Variants in TOPBP1 observed in about 807,000 individuals in gnomAD.
The protein encoded by TOPBP1 is DNA topoisomerase 2-binding protein 1.
A neutral mutation model predicts 167.7 loss-of-function variants in TOPBP1; 28 were observed. The observed-to-expected ratio is 0.17, with a 90% CI of 0.12 to 0.23. The LOEUF is 0.23. Ranked by LOEUF, TOPBP1 falls within the 10% of genes least tolerant of loss-of-function variation. The pLI is 1.00. For missense variants in TOPBP1, 1,554 were observed against 1,809.6 expected (o/e 0.86, Z 2.56); for synonymous variants, 598 against 611.4 (o/e 0.98, Z 0.32).
intron 16 of TOPBP1, among the ~76,000 whole-genome samples, chr3:133,624,826 TTAAAGA>T (rs1935213556): frequency 6.6e-6 from 1 of 152,164 alleles, no homozygotes; most frequent in Non-Finnish European, 1.5e-5. Flanking sequence ...TACATTAATC[TTAAAGA>T]TAAAAGAACT....
intron 14 of TOPBP1, among the ~76,000 whole-genome samples, chr3:133,636,848 C>G (rs1483322873): frequency 6.6e-6 from 1 of 152,132 alleles, no homozygotes; most frequent in African/African-American, 2.4e-5. Flanking sequence ...ACTGATTTTC[C>G]TCTATGTCTT....
intron 11 of TOPBP1, among the ~76,000 whole-genome samples, chr3:133,643,582 T>G (rs1373786882): frequency 6.6e-6 from 1 of 152,166 alleles, no homozygotes; most frequent in African/African-American, 2.4e-5. Flanking sequence ...ACTAATTACA[T>G]TAGGCTATTA....
intron 20 of TOPBP1, among the ~76,000 whole-genome samples, chr3:133,619,111 C>CAAAAAAAAAAAAAAAAAAAA (rs71136485): frequency 9.7e-6 from 1 of 103,500 alleles, no homozygotes; most frequent in Admixed American, 1.0e-4. Flanking sequence ...TGTGGAGAAG[C>CAAAAAAAAAAAAAAAAAAAA]AAAAAAAAAA....
Position 133,610,998 on chromosome 3 carries a change from T to A in TOPBP1, c.4173+6A>T. The A allele has an allele frequency of 6.2e-7, 1 of 1,610,424 alleles. No homozygotes were observed. Among genetic ancestry groups the A allele is most frequent in the Non-Finnish European group, 8.5e-7 (1 of 1,177,918 alleles). On this transcript the variant is annotated splice_donor_region_variant and intron_variant, in intron 25 of 27. Transcript: ENST00000260810. ...TTGTATTACCTATATAATTGTGTTT[T>A]AATACCTCAACAATGCCAGATTCTT...
At chr3:133,657,614 T>C (rs941103959) in intron 4 of TOPBP1, among the ~76,000 whole-genome samples, 184 bp downstream of exon 4, 5 of 152,222 alleles carry the variant, frequency 3.3e-5, no homozygotes, top group Admixed American at 2.0e-4. Context: ...CAAATTCTAC[T>C]ATATTCAATT....
chr3:133,653,019 AAT>A (rs1936354533), intron 7 of TOPBP1, among the ~76,000 whole-genome samples: 1 of 152,242 alleles, frequency 6.6e-6, no homozygotes, highest in South Asian at 2.1e-4. Flanking sequence ...CAAAACTGTA[AAT>A]TAAGGAAAGA....
At position 133,657,831 on chromosome 3, in the gene TOPBP1, G is replaced by A. The variant is rs1365699265; in HGVS notation, c.330C>T (p.Thr110=). ...PVYNMVMSDV[T]ISCTSLEKEK... is the part of the protein sequence containing the mutation. ...CTTTTTCCAGACTTGTACAAGATAT[G>A]GTTACATCAGACATAACCATATTAT... The change falls in exon 4 of 28, where the codon ACC becomes ACT. Residue 110 remains threonine (T), a synonymous_variant. Transcript: ENST00000260810. 1.3e-6 allele frequency: 2 copies of A among 1,579,192 alleles called. No homozygotes were observed. The highest frequency in any genetic ancestry group is 2.3e-5 in the East Asian group (1 of 42,638).
At chr3:133,618,164 G>T (rs1388758260) in intron 21 of TOPBP1, 49 bp downstream of exon 21, 1 of 1,475,780 alleles carries the variant, frequency 6.8e-7, no homozygotes, top group Admixed American at 1.7e-5. Context: ...TTTTTAAGAG[G>T]TCAACATGTA....
chr3:133,638,286 G>A, intron 13 of TOPBP1, 124 bp from the exon 14 acceptor site: 1 of 919,210 alleles, frequency 1.1e-6, no homozygotes, highest in East Asian at 2.6e-5. Flanking sequence ...CTGGGCTCAA[G>A]AGATCCATCT....
chr3:133,623,200 A>T lies in TOPBP1; in HGVS notation c.3076-7T>A. The T allele has an allele frequency of 1.8e-5, 29 of 1,610,976 alleles. No homozygotes were observed. Among genetic ancestry groups the T allele is most frequent in the Non-Finnish European group, 2.5e-5 (29 of 1,178,544 alleles). On this transcript the variant is annotated splice_region_variant and splice_polypyrimidine_tract_variant and intron_variant, in intron 18 of 27. Transcript: ENST00000260810. ...CTAAAATCAAAGGATCTGGCTATTG[A>T]AAAAGAAAAATTATAAATTCTCAAA...
chr3:133,628,737 T>G lies in TOPBP1; in HGVS notation c.2521-4A>C. The G allele has an allele frequency of 6.4e-7, 1 of 1,551,326 alleles. No individual in the cohort carries two copies. On this transcript the variant is annotated splice_polypyrimidine_tract_variant and splice_region_variant and intron_variant, in intron 14 of 27. Coordinates refer to ENST00000260810, the MANE Select transcript of TOPBP1 (RefSeq NM_007027.4). ...TTTCCAAGGCTGCAAGTGCATCCTA[T>G]ACATATGAAGGAGAGAGAGAGATGG...
At chr3:133,652,728 C>T in intron 7 of TOPBP1, 99 bp from the exon 8 acceptor site, 1 of 999,198 alleles carries the variant, frequency 1.0e-6, no homozygotes, top group Non-Finnish European at 1.4e-6. Flanking sequence ...GGGCAATAAA[C>T]AACTTCCAAA....
chr3:133,655,422 T>G lies in TOPBP1; in HGVS notation c.610A>C (p.Ile204Leu), dbSNP rs565676005. The G allele has an allele frequency of 1.2e-6, 2 of 1,602,428 alleles. No individual in the cohort carries two copies. The highest frequency in any genetic ancestry group is 1.7e-6 in the Non-Finnish European group (2 of 1,174,818). Residue 204 changes from isoleucine (I) to leucine (L), a missense_variant, in exon 6 of 28, where the codon ATA (isoleucine) becomes CTA (leucine). This residue lies in a region of TOPBP1 where 1,197 missense variants were observed against 1,351.5 expected (regional missense o/e 0.89). Transcript: ENST00000260810. The part of the protein sequence containing the change: ...DFKCPIFLGC[I>L]ICVTGLCGLD... ...CCACATAAGCCAGTCACACAGATTA[T>G]GCAACCAAGAAAAATAGGACACTTG...
intron 5 of TOPBP1, among the ~76,000 whole-genome samples, chr3:133,655,944 A>G (rs573268181): frequency 2.6e-5 from 4 of 152,210 alleles, no homozygotes; most frequent in South Asian, 2.1e-4. Flanking sequence ...CTGATGAAGT[A>G]ATCACATTGG....
At chr3:133,656,899 A>G (rs767847487) in intron 4 of TOPBP1, 42 bp from the exon 5 acceptor site, 44 of 1,444,148 alleles carry the variant, frequency 3.0e-5, no homozygotes, top group Non-Finnish European at 4.0e-5. Flanking sequence ...GAAGCAAACA[A>G]TATTGCTTCC....
intron 16 of TOPBP1, 75 bp downstream of exon 16, chr3:133,628,287 G>C: frequency 7.7e-7 from 1 of 1,292,386 alleles, no homozygotes; most frequent in South Asian, 1.3e-5. Flanking sequence ...TATTCTTGTA[G>C]ATGCTCACAA....
At chr3:133,608,107 G>T (rs1028779748) in intron 27 of TOPBP1, among the ~76,000 whole-genome samples, 8 of 152,164 alleles carry the variant, frequency 5.3e-5, no homozygotes, top group Admixed American at 1.3e-4. Context: ...TTCTGAATAT[G>T]AGAGTAGTAA....
At chr3:133,604,108 T>C (rs1442854509) in intron 27 of TOPBP1, among the ~76,000 whole-genome samples, 5 of 151,506 alleles carry the variant, frequency 3.3e-5, no homozygotes, top group Non-Finnish European at 7.4e-5. Context: ...AAGTTGACAA[T>C]ATCAGGAATA....
intron 27 of TOPBP1, among the ~76,000 whole-genome samples, chr3:133,602,686 G>A (rs1287200249): frequency 6.6e-6 from 1 of 152,178 alleles, no homozygotes; most frequent in African/African-American, 2.4e-5. Context: ...GATTTGTGCT[G>A]AAACTACTTA....
Sources: allele counts gnomAD v4.1 joint callset (sites outside exome capture counted in the v4.1 genomes callset), GRCh38; gene constraint gnomAD v4.1.1; regional missense constraint gnomAD v4.1.1; transcripts MANE v1.5; gene names NCBI Gene and HGNC (gene_info 2026-07-23, HGNC 2026-07-21).